RSRC1: variants seen among roughly 807,000 people sequenced by gnomAD.
RSRC1 encodes serine/Arginine-related protein 53.
RSRC1 carries 39 observed loss-of-function variants against 49.1 expected under a neutral mutation model. That is an observed-to-expected ratio of 0.79 (90% CI 0.61 to 1.04). RSRC1 has a LOEUF of 1.04. RSRC1 is among the 50% of genes least tolerant of loss of function. RSRC1 has a pLI of 0.00. For synonymous variants in RSRC1, 143 were observed against 130.8 expected, an observed-to-expected ratio of 1.09 and a Z score of -0.63; for missense variants, 388 against 402.4, an observed-to-expected ratio of 0.96 and a Z score of 0.31.
chr3:158,427,264 A>G (rs1735501278), intron 6 of RSRC1, among the ~76,000 whole-genome samples: 1 of 151,866 alleles, frequency 6.6e-6, no homozygotes, highest in South Asian at 2.1e-4. Context: ...CTTTACTGAA[A>G]GATACAAATT....
intron 4 of RSRC1, among the ~76,000 whole-genome samples, chr3:158,254,270 G>T (rs895260117): frequency 1.3e-5 from 2 of 152,070 alleles, no homozygotes; most frequent in Non-Finnish European, 2.9e-5. Flanking sequence ...TAATCCTTTG[G>T]GTATATACCC....
At chr3:158,256,717 G>C (rs1044025020) in intron 4 of RSRC1, among the ~76,000 whole-genome samples, 1 of 152,100 alleles carries the variant, frequency 6.6e-6, no homozygotes, top group Admixed American at 6.5e-5. Context: ...TTTTTGGTTG[G>C]TAGGCTATTA....
At position 158,124,024 on chromosome 3, in the gene RSRC1, C is replaced by T. The variant is rs372596519; in HGVS notation, c.320+33C>T. On this transcript the variant is annotated intron_variant, in intron 3 of 9. Transcript: ENST00000611884. ...TTATTAAGTATTTATTGCTTTGTAA[C>T]AAATTATTCCCAAATTCAGCGATGT... 1.7e-5 allele frequency: 24 copies of T among 1,410,558 alleles called. No individual in the cohort carries two copies. The Middle Eastern group carries it at 7.5e-4, about 44-fold the overall frequency. The allele number at this position is 1,410,558 out of a possible 1,614,324, so 87.4% of individuals were successfully genotyped here.
At chr3:158,251,877 C>T (rs749735583) in intron 4 of RSRC1, among the ~76,000 whole-genome samples, 13 of 152,164 alleles carry the variant, frequency 8.5e-5, no homozygotes, top group Non-Finnish European at 1.6e-4. Flanking sequence ...TGAATGTGTG[C>T]ATCCTTGTCT....
chr3:158,413,104 C>T (rs1376228554), intron 6 of RSRC1, among the ~76,000 whole-genome samples: 2 of 152,134 alleles, frequency 1.3e-5, no homozygotes, highest in Non-Finnish European at 2.9e-5. Context: ...TACAAGGCTA[C>T]AGTAGCCAAA....
chr3:158,438,955 T>C (rs1736211151), intron 6 of RSRC1, among the ~76,000 whole-genome samples: 2 of 151,870 alleles, frequency 1.3e-5, no homozygotes, highest in South Asian at 4.2e-4. Flanking sequence ...TACAATGAAC[T>C]CCAACAAATT....
intron 7 of RSRC1, among the ~76,000 whole-genome samples, chr3:158,496,358 G>A (rs1739320975): frequency 6.6e-6 from 1 of 152,108 alleles, no homozygotes; most frequent in African/African-American, 2.4e-5. Flanking sequence ...CTGATTCAGG[G>A]GGTCTGAGAT....
At chr3:158,172,414 G>T (rs1718929823) in intron 3 of RSRC1, among the ~76,000 whole-genome samples, 1 of 152,140 alleles carries the variant, frequency 6.6e-6, no homozygotes, top group South Asian at 2.1e-4. Context: ...GCATAACTGG[G>T]AACAGTTAGG....
At chr3:158,232,818 G>A (rs698992) in intron 4 of RSRC1, among the ~76,000 whole-genome samples, 104,932 of 151,862 alleles carry the variant, frequency 0.69, 36,674 homozygotes, top group East Asian at 0.84. Context: ...CAGGTGAGAA[G>A]CTGGGCTCAG....
At chr3:158,393,043 T>C (rs922406380) in intron 6 of RSRC1, among the ~76,000 whole-genome samples, 13 of 152,002 alleles carry the variant, frequency 8.6e-5, no homozygotes, top group Admixed American at 6.6e-5. Context: ...TATAATTACA[T>C]GGAAATTAAA....
rs1261238962 is a variant in RSRC1 at position 158,336,367 on chromosome 3, G to GTTC, written c.532-18490_532-18489insTTC. The GTTC allele has an allele frequency of 2.0e-5, 3 of 152,262 alleles. 1 individual carries two copies. The highest frequency in any genetic ancestry group is 7.2e-5 in the African/African-American group (3 of 41,454). 9.4% of individuals were successfully genotyped at this position (152,262 alleles called of 1,614,324 possible). On this transcript the variant is annotated intron_variant, in intron 5 of 9. Transcript: ENST00000611884. ...TAATGTTCTGGGGTTCCTCTGGGAG[G>GTTC]CTTTGGTTGTGAGGTAGGGCAATTG... is the stretch of plus-strand genomic sequence containing the variant.
chr3:158,325,237 A>G (rs1429256882), intron 5 of RSRC1, among the ~76,000 whole-genome samples: 2 of 152,094 alleles, frequency 1.3e-5, no homozygotes, highest in African/African-American at 2.4e-5. Flanking sequence ...GTTTAATTAG[A>G]TCCCATTTGT....
chr3:158,243,639 A>G (rs1057348736), intron 4 of RSRC1, among the ~76,000 whole-genome samples: 4 of 152,126 alleles, frequency 2.6e-5, no homozygotes, highest in African/African-American at 7.2e-5. Flanking sequence ...TTTGGGCAGT[A>G]TGGCCATTTT....
chr3:158,247,770 A>T (rs1221303870), intron 4 of RSRC1, among the ~76,000 whole-genome samples: 1 of 151,888 alleles, frequency 6.6e-6, no homozygotes, highest in Non-Finnish European at 1.5e-5. Context: ...CTTCCTCTAG[A>T]CCCTCCATCC....
intron 6 of RSRC1, among the ~76,000 whole-genome samples, chr3:158,378,378 G>A (rs1732495417): frequency 6.6e-6 from 1 of 152,030 alleles, no homozygotes; most frequent in South Asian, 2.1e-4. Flanking sequence ...TTGACACTGG[G>A]TCCAGTTTTC....
chr3:158,262,127 A>G (rs1016662864), intron 4 of RSRC1, among the ~76,000 whole-genome samples: 2 of 151,944 alleles, frequency 1.3e-5, no homozygotes, highest in Non-Finnish European at 2.9e-5. Context: ...GAGTTTTTTT[A>G]TTTTGAGGAA....
intron 7 of RSRC1, among the ~76,000 whole-genome samples, chr3:158,499,830 T>G (rs1739512544): frequency 6.6e-6 from 1 of 152,186 alleles, no homozygotes. Flanking sequence ...TTTGACTCCC[T>G]CTTTACCTAT....
intron 5 of RSRC1, among the ~76,000 whole-genome samples, chr3:158,350,103 G>A (rs905994542): frequency 1.3e-4 from 19 of 148,954 alleles, no homozygotes; most frequent in Non-Finnish European, 1.3e-4. Flanking sequence ...CTTTAATTAT[G>A]TACTGTTGAT....
At chr3:158,318,674 T>A (rs1234706023) in intron 5 of RSRC1, among the ~76,000 whole-genome samples, 2 of 152,192 alleles carry the variant, frequency 1.3e-5, no homozygotes, top group African/African-American at 4.8e-5. Context: ...GATGCTGCTG[T>A]ATGTGTAAAG....
Sources: gnomAD v4.1 joint callset for allele counts (sites outside exome capture counted in the v4.1 genomes callset) on GRCh38, gnomAD v4.1.1 for gene constraint, MANE v1.5 for transcripts, NCBI Gene and HGNC (gene_info 2026-07-23, HGNC 2026-07-21) for gene names.